SH3BGR: variants seen among roughly 807,000 people sequenced by gnomAD.
SH3BGR encodes the protein SH3 domain-binding glutamic acid-rich protein.
Under a neutral mutation model 24.5 loss-of-function variants are expected in SH3BGR, and 29 were observed. The ratio of observed to expected loss-of-function variants is 1.18; its 90% CI spans 0.88 to 1.61. SH3BGR has a LOEUF of 1.61. Among genes scored for constraint, SH3BGR ranks in the 40% most tolerant of loss-of-function variants. The pLI, the probability that SH3BGR is intolerant of heterozygous loss-of-function variation, is 0.00. For synonymous variants in SH3BGR, 55 were observed against 65.7 expected (o/e 0.84, Z 0.79); for missense variants, 162 against 205.8 (o/e 0.79, Z 1.30).
rs540099939 is a variant in SH3BGR, at chr21:39,510,521, T to G, written c.436-1159T>G. 3.0e-3 allele frequency among the ~76,000 whole-genome samples: 457 copies of G among 152,020 alleles called. 3 individuals carry two copies. The highest frequency in any genetic ancestry group is 0.011 in the African/African-American group (447 of 41,398). On this transcript the variant is annotated intron_variant, in intron 5 of 6. Coordinates refer to ENST00000333634, the MANE Select transcript of SH3BGR (RefSeq NM_007341.3). ...TGAATACTCTTGTAGTCTCCTTTTTTTTCATGGAATGTGTCTATATTTGGG... is the reference window on the plus strand; with the variant it reads ...TGAATACTCTTGTAGTCTCCTTTTTGTTCATGGAATGTGTCTATATTTGGG...
chr21:39,513,448 A>G (rs1240084358), intron 6 of SH3BGR, among the ~76,000 whole-genome samples: 1 of 152,210 alleles, frequency 6.6e-6, no homozygotes, highest in Admixed American at 6.5e-5. Flanking sequence ...AGCTGATATA[A>G]AAAGCACTTA....
chr21:39,456,700 C>T (rs935233432), intron 1 of SH3BGR, among the ~76,000 whole-genome samples: 2 of 152,202 alleles, frequency 1.3e-5, no homozygotes, highest in Non-Finnish European at 2.9e-5. Context: ...CTTTGGTTCT[C>T]ATAGGCCTGA....
Position 39,452,072 on chromosome 21 carries a change from G to A in SH3BGR, c.-25G>A. 2 of 1,614,140 alleles carry A rather than the reference G, an allele frequency of 1.2e-6. No homozygotes were observed. Among genetic ancestry groups the A allele is most frequent in the Non-Finnish European group, 1.7e-6 (2 of 1,180,000 alleles). The stretch of plus-strand genomic sequence containing the variant: ...CATTCCCTGACAGGGGTGTGTTGGG[G>A]GGAGTCCTCTTTCCAACTGTCGAAA... On this transcript the variant is annotated 5_prime_UTR_variant, in exon 1 of 7. Transcript: ENST00000333634.
chr21:39,472,691 A>T (rs532546337), intron 2 of SH3BGR, among the ~76,000 whole-genome samples: 1 of 152,304 alleles, frequency 6.6e-6, no homozygotes, highest in Non-Finnish European at 1.5e-5. Flanking sequence ...TTCACCCAGA[A>T]GCAAAGTTGA....
chr21:39,476,430 A>G (rs1465028683), intron 3 of SH3BGR, among the ~76,000 whole-genome samples: 1 of 152,188 alleles, frequency 6.6e-6, no homozygotes, highest in Non-Finnish European at 1.5e-5. Context: ...TGGTCTAAGG[A>G]GGGCTGGTAG....
chr21:39,498,282 G>A (rs908539955), intron 3 of SH3BGR, among the ~76,000 whole-genome samples: 2 of 152,190 alleles, frequency 1.3e-5, no homozygotes, highest in African/African-American at 4.8e-5. Flanking sequence ...TGGGATTGGA[G>A]GGTGTGTGTG....
intron 1 of SH3BGR, among the ~76,000 whole-genome samples, chr21:39,460,830 C>T (rs2077743197): frequency 6.6e-6 from 1 of 152,154 alleles, no homozygotes; most frequent in South Asian, 2.1e-4. Flanking sequence ...CGCTTTGTCA[C>T]CCAAGCTGGA....
At chr21:39,474,332 G>T (rs1262038363) in intron 2 of SH3BGR, among the ~76,000 whole-genome samples, 1 of 152,172 alleles carries the variant, frequency 6.6e-6, no homozygotes, top group Non-Finnish European at 1.5e-5. Context: ...TGGTTTGTGT[G>T]TTGCCCTGTA....
chr21:39,469,476 T>C (rs1419305260), intron 2 of SH3BGR, among the ~76,000 whole-genome samples: 2 of 151,822 alleles, frequency 1.3e-5, no homozygotes, highest in Non-Finnish European at 2.9e-5. Flanking sequence ...TTTTTCCTTC[T>C]ATACACTTTT....
At chr21:39,512,722 G>T (rs1025431184) in intron 6 of SH3BGR, among the ~76,000 whole-genome samples, 1 of 152,092 alleles carries the variant, frequency 6.6e-6, no homozygotes, top group African/African-American at 2.4e-5. Context: ...AACCCGGGAG[G>T]CAGAGGTTGC....
chr21:39,512,144 A>G (rs895887210), intron 6 of SH3BGR, among the ~76,000 whole-genome samples: 16 of 152,202 alleles, frequency 1.1e-4, no homozygotes, highest in African/African-American at 3.9e-4. Context: ...TTGAGAGAAG[A>G]TACAGCAAGT....
chr21:39,463,019 G>A (rs981148456), intron 2 of SH3BGR, among the ~76,000 whole-genome samples: 1 of 152,092 alleles, frequency 6.6e-6, no homozygotes, highest in Admixed American at 6.6e-5. Context: ...GAGTAGCTGG[G>A]ACTGCAGGAG....
In SH3BGR at chr21:39,510,250, C is replaced by G. The variant is rs567101470; in HGVS notation, c.435+1223C>G. 1.6e-4 allele frequency among the ~76,000 whole-genome samples: 25 copies of G among 152,240 alleles called. 2 individuals carry two copies. The highest frequency in any genetic ancestry group is 6.0e-4 in the African/African-American group (25 of 41,522). ...AGCCACCGCGCCCAGCCTTTGTTAACTTTTGAAATGACAAAATTCATGATC... is the reference window on the plus strand; with the variant it reads ...AGCCACCGCGCCCAGCCTTTGTTAAGTTTTGAAATGACAAAATTCATGATC... On this transcript the variant is annotated intron_variant, in intron 5 of 6. Coordinates refer to ENST00000333634, the MANE Select transcript of SH3BGR (RefSeq NM_007341.3).
At chr21:39,481,059 G>A (rs2078122211) in intron 3 of SH3BGR, among the ~76,000 whole-genome samples, 1 of 152,182 alleles carries the variant, frequency 6.6e-6, no homozygotes, top group South Asian at 2.1e-4. Flanking sequence ...ATCTTTTTGT[G>A]CTGTATTTTC....
chr21:39,493,223 T>C (rs2078334450), intron 3 of SH3BGR, among the ~76,000 whole-genome samples: 1 of 152,210 alleles, frequency 6.6e-6, no homozygotes, highest in Non-Finnish European at 1.5e-5. Context: ...TTTTCTGATG[T>C]TATCTTCTAG....
chr21:39,479,061 C>T (rs1483690875), intron 3 of SH3BGR, among the ~76,000 whole-genome samples: 1 of 152,120 alleles, frequency 6.6e-6, no homozygotes, highest in Non-Finnish European at 1.5e-5. Flanking sequence ...TGATCTTTGA[C>T]TGTTTGTATT....
At chr21:39,470,171 A>G (rs1361011640) in intron 2 of SH3BGR, among the ~76,000 whole-genome samples, 1 of 151,960 alleles carries the variant, frequency 6.6e-6, no homozygotes, top group Non-Finnish European at 1.5e-5. Context: ...CTCAATTCAA[A>G]TAATCTATCC....
At chr21:39,464,081 C>T (rs1012030438) in intron 2 of SH3BGR, among the ~76,000 whole-genome samples, 4 of 152,172 alleles carry the variant, frequency 2.6e-5, no homozygotes, top group African/African-American at 9.7e-5. Flanking sequence ...GATCTCTGCC[C>T]TCATCCTCAC....
upstream of SH3BGR, among the ~76,000 whole-genome samples, chr21:39,448,644 A>G (rs1407925532): frequency 6.6e-6 from 1 of 152,192 alleles, no homozygotes; most frequent in East Asian, 1.9e-4. Context: ...AGATCAAGCC[A>G]CTGCACTCCA....
Sources: gnomAD v4.1 joint callset for allele counts (sites outside exome capture counted in the v4.1 genomes callset) on GRCh38, gnomAD v4.1.1 for gene constraint, MANE v1.5 for transcripts, NCBI Gene and HGNC (gene_info 2026-07-23, HGNC 2026-07-21) for gene names.